The following DSC3 variants were observed in gnomAD, a reference collection of about 807,000 sequenced individuals.
DSC3 encodes desmocollin-3.
DSC3 carries 97 observed loss-of-function variants against 89.5 expected under a neutral mutation model. That is an observed-to-expected ratio of 1.08 (90% CI 0.92 to 1.28). DSC3 has a LOEUF of 1.28. Ranked by LOEUF, DSC3 falls within the 50% of genes most tolerant of loss-of-function variation. The pLI, the probability that DSC3 is intolerant of heterozygous loss-of-function variation, is 0.00. For synonymous variants in DSC3, 436 were observed against 384.1 expected, an observed-to-expected ratio of 1.14 and a Z score of -1.58; for missense variants, 1,199 against 1,085.3, an observed-to-expected ratio of 1.10 and a Z score of -1.47.
intron 14 of DSC3, 97 bp from the exon 15 acceptor site, chr18:30,997,145 T>G (rs1984504619): frequency 1.6e-6 from 2 of 1,235,138 alleles, no homozygotes; most frequent in Admixed American, 1.9e-5. Context: ...CAACCTTTTA[T>G]TCATTCATTC....
At chr18:31,036,937 C>T (rs1236815240) in intron 1 of DSC3, among the ~76,000 whole-genome samples, 9 of 151,630 alleles carry the variant, frequency 5.9e-5, no homozygotes, top group South Asian at 2.1e-4. Flanking sequence ...GGATTACAGG[C>T]GCCTGCCACC....
rs1228585218 is a variant in DSC3 at position 30,992,766 on chromosome 18, A to C, written c.*1409T>G. 6.6e-6 allele frequency: 1 copy of C among 152,220 alleles called. No individual in the cohort carries two copies. Among genetic ancestry groups the C allele is most frequent in the African/African-American group, 2.4e-5 (1 of 41,458 alleles). 9.4% of individuals were successfully genotyped at this position (152,220 alleles called of 1,614,324 possible). ...TTCTATTATTTTAAAATTTCTCTGG[A>C]GAAAGCAAACTGATTAAAAATTAAT... On this transcript the variant is annotated 3_prime_UTR_variant, in exon 16 of 16. Coordinates refer to ENST00000360428, the MANE Select transcript of DSC3 (RefSeq NM_001941.5).
In DSC3 at chr18:31,025,864, G is replaced by C. The variant is rs137869359; in HGVS notation, c.526C>G (p.Arg176Gly). 1 of 1,612,800 alleles carries C rather than the reference G, an allele frequency of 6.2e-7. No individual in the cohort carries two copies. The highest frequency in any genetic ancestry group is 8.5e-7 in the Non-Finnish European group (1 of 1,179,222). Reference sequence around the variant, plus strand: ...TTTAAAGGTTCTTTATCAACTCCACGTCCACTTATTGAGTAGAAGACAGTA... The same window carrying C: ...TTTAAAGGTTCTTTATCAACTCCACCTCCACTTATTGAGTAGAAGACAGTA... ...NYTVFYSISG[R>G]GVDKEPLNLF... is the part of the protein sequence containing the mutation. The change falls in exon 5 of 16, where the codon CGT (arginine) becomes GGT (glycine). Residue 176 changes from arginine (R) to glycine (G), a missense_variant. Transcript: ENST00000360428.
In DSC3 at chr18:31,036,798, C is replaced by CTT. The variant is rs775187201; in HGVS notation, c.70-4524_70-4523dup. Among the ~76,000 whole-genome samples the CTT allele has an allele frequency of 9.3e-5, 10 of 107,434 alleles. 1 individual carries two copies. Among genetic ancestry groups the CTT allele is most frequent in the South Asian group, 4.0e-4 (1 of 2,514 alleles). The allele number at this position is 107,434 out of a possible 152,430, so 70.5% of individuals were successfully genotyped here. A position where few individuals can be genotyped will look rare whatever the true frequency, so the allele number is the denominator to read the frequency against. ...TATTTCCTTTTTGCTTTCTTTCTTCCTTTTTTTTTTTTGAGATGGAATCTT... is the reference window on the plus strand; with the variant it reads ...TATTTCCTTTTTGCTTTCTTTCTTCCTTTTTTTTTTTTTTGAGATGGAATCTT... On this transcript the variant is annotated intron_variant, in intron 1 of 15. Transcript: ENST00000360428.
At chr18:31,009,774 A>G (rs1984995069) in intron 9 of DSC3, among the ~76,000 whole-genome samples, 1 of 152,204 alleles carries the variant, frequency 6.6e-6, no homozygotes, top group African/African-American at 2.4e-5. Flanking sequence ...GGAAAAGGAG[A>G]TAAACTGATT....
At chr18:31,014,905 C>G (rs1474605839) in intron 9 of DSC3, among the ~76,000 whole-genome samples, 3 of 151,864 alleles carry the variant, frequency 2.0e-5, no homozygotes, top group African/African-American at 7.3e-5. Flanking sequence ...CCTTCATCAG[C>G]CTTAGGTGGT....
rs141615987 is a variant in DSC3 at position 31,001,089 on chromosome 18, G to GTGTGTATATATATATATATA, written c.2235+528_2235+529insTATATATATATATATACACA. 9.8e-4 allele frequency among the ~76,000 whole-genome samples: 124 copies of GTGTGTATATATATATATATA among 125,968 alleles called. 1 individual carries two copies. The highest frequency in any genetic ancestry group is 1.4e-3 in the Non-Finnish European group (83 of 59,770). 82.6% of individuals were successfully genotyped at this position (125,968 alleles called of 152,430 possible). A position where few individuals can be genotyped will look rare whatever the true frequency, so the allele number is the denominator to read the frequency against. On this transcript the variant is annotated intron_variant, in intron 14 of 15. Transcript: ENST00000360428. The stretch of plus-strand genomic sequence containing the variant: ...GTGTTTATATATACTTTGTGTGTGT[G>GTGTGTATATATATATATATA]TATATATATATATATATATATATAC...
chr18:31,041,502 G>A (rs996473698), intron 1 of DSC3, among the ~76,000 whole-genome samples: 2 of 152,190 alleles, frequency 1.3e-5, no homozygotes, highest in Middle Eastern at 3.2e-3. Context: ...CCAGGGTGGA[G>A]GGCCAGGAAG....
chr18:31,031,803 A>G (rs574701811), intron 2 of DSC3, among the ~76,000 whole-genome samples: 1 of 152,316 alleles, frequency 6.6e-6, no homozygotes, highest in South Asian at 2.1e-4. Flanking sequence ...AATAAAATGC[A>G]TATAAATATC....
At chr18:31,020,270 G>A in intron 7 of DSC3, among the ~76,000 whole-genome samples, 1 of 152,064 alleles carries the variant, frequency 6.6e-6, no homozygotes, top group Admixed American at 6.6e-5. Flanking sequence ...TGCAGGATGA[G>A]AAGAGCCTCG....
Position 31,008,049 on chromosome 18 carries a change from A to G in DSC3, c.1630T>C (p.Leu544=), listed in dbSNP as rs115895756. ...DREVETPKNE[L]YNITVLAIDK... is the part of the protein sequence containing the mutation. ...ATTGCCAGGACTGTAATATTATACA[A>G]CTCATTTTTGGGAGTTTCAACCTCC... Residue 544 remains leucine, a synonymous_variant, in exon 11 of 16, where the codon TTG becomes CTG. Transcript: ENST00000360428. 3.7e-4 allele frequency: 600 copies of G among 1,613,308 alleles called. 2 individuals are homozygous for G. The African/African-American group carries it at 7.4e-3, about 20-fold the overall frequency.
rs1392901929 is a variant in DSC3 at position 30,993,993 on chromosome 18, C to T, written c.*182G>A. The stretch of plus-strand genomic sequence containing the variant: ...GAGATTTACCAGTTGTCTGTTTTAA[C>T]ATTTTTCACTTTTTGGAAAAGATAA... On this transcript the variant is annotated 3_prime_UTR_variant, in exon 16 of 16. Transcript: ENST00000360428. 1.7e-6 allele frequency: 1 copy of T among 591,642 alleles called. No homozygotes were observed. The highest frequency in any genetic ancestry group is 2.9e-6 in the Non-Finnish European group (1 of 339,822). The allele number at this position is 591,642 out of a possible 1,614,324, so 36.6% of individuals were successfully genotyped here.
rs1007463657 is a variant in DSC3 at position 30,998,149 on chromosome 18, C to T, written c.2236-1101G>A. On this transcript the variant is annotated intron_variant, in intron 14 of 15. Transcript: ENST00000360428. ...ACAAATAAGAAGACAAATTTAAGTTCATGGAGATCAGATGGGGGTCACTGC... is the reference window on the plus strand; with the variant it reads ...ACAAATAAGAAGACAAATTTAAGTTTATGGAGATCAGATGGGGGTCACTGC... Among the ~76,000 whole-genome samples, 4 of 152,088 alleles carry T rather than the reference C, an allele frequency of 2.6e-5. No homozygotes were observed. In the East Asian group the frequency reaches 7.7e-4, roughly 29 times the overall value.
chr18:30,995,971 TAAAAA>T (rs1196444633), intron 15 of DSC3, among the ~76,000 whole-genome samples: 30 of 37,018 alleles, frequency 8.1e-4, no homozygotes, highest in East Asian at 2.8e-3. Context: ...GACCCTGCCT[TAAAAA>T]AAAAAAAAAA....
At chr18:31,031,405 C>A (rs530983016) in intron 2 of DSC3, among the ~76,000 whole-genome samples, 7 of 151,958 alleles carry the variant, frequency 4.6e-5, no homozygotes, top group African/African-American at 1.4e-4. Context: ...TGTTTTAAAC[C>A]TTTATATGCT....
chr18:31,019,291 A>G (rs952786164), intron 7 of DSC3, among the ~76,000 whole-genome samples: 5 of 152,022 alleles, frequency 3.3e-5, no homozygotes, highest in Admixed American at 2.6e-4. Flanking sequence ...GGGTTTCACC[A>G]TGTTGGCCAG....
In DSC3 at chr18:30,992,805, TG is replaced by T. The variant is rs1984315248; in HGVS notation, c.*1369del. ...TTAAAAATTAATTCACGCTGAAGGA[TG>T]GTGGAAAACCTGGAGTCACTTAAGG... On this transcript the variant is annotated 3_prime_UTR_variant, in exon 16 of 16. Coordinates refer to ENST00000360428, the MANE Select transcript of DSC3 (RefSeq NM_001941.5). The T allele has an allele frequency of 6.6e-6, 1 of 152,234 alleles. No homozygotes were observed. The highest frequency in any genetic ancestry group is 2.4e-5 in the African/African-American group (1 of 41,466). 9.4% of individuals were successfully genotyped at this position (152,234 alleles called of 1,614,324 possible).
At chr18:31,022,072 C>T (rs1181933541) in intron 7 of DSC3, among the ~76,000 whole-genome samples, 1 of 151,916 alleles carries the variant, frequency 6.6e-6, no homozygotes, top group Non-Finnish European at 1.5e-5. Context: ...ACTAGCCACA[C>T]ATAAGAAAAA....
At chr18:31,025,032 A>G (rs1464653754) in intron 5 of DSC3, among the ~76,000 whole-genome samples, 1 of 152,206 alleles carries the variant, frequency 6.6e-6, no homozygotes, top group Non-Finnish European at 1.5e-5. Context: ...TGTGATTACA[A>G]CACTGAACTG....
Sources: gnomAD v4.1 joint callset for allele counts (sites outside exome capture counted in the v4.1 genomes callset) on GRCh38, gnomAD v4.1.1 for gene constraint, MANE v1.5 for transcripts, NCBI Gene and HGNC (gene_info 2026-07-23, HGNC 2026-07-21) for gene names.